Variants in CDH2 observed in about 807,000 individuals in gnomAD.
The protein encoded by CDH2 is cadherin 2.
Under a neutral mutation model 92.0 loss-of-function variants are expected in CDH2, and 17 were observed. That is an observed-to-expected ratio of 0.18 (90% confidence interval 0.13 to 0.28). The LOEUF is 0.28. Ranked by LOEUF, CDH2 falls within the 10% of genes least tolerant of loss-of-function variation. CDH2 has a pLI of 1.00. For synonymous variants in CDH2, 419 were observed against 415.9 expected (o/e 1.01, Z -0.09); for missense variants, 862 against 1,133.1 (o/e 0.76, Z 3.44).
rs199523630 is a variant in CDH2, at chr18:28,154,188, T to C, written c.61-6404A>G. On this transcript the variant is annotated intron_variant, in intron 1 of 15. Coordinates refer to ENST00000269141, the MANE Select transcript of CDH2 (RefSeq NM_001792.5). ...GAAACCATGATTTTTCTGTTCTTAA[T>C]CCCATGCTCTCTTTATTCTGAAAAC... is the stretch of plus-strand genomic sequence containing the variant. 3.3e-5 allele frequency among the ~76,000 whole-genome samples: 5 copies of C among 152,358 alleles called. No homozygotes were observed. The East Asian group carries it at 9.7e-4, about 29-fold the overall frequency.
At chr18:28,095,734 C>T (rs561341691) in intron 2 of CDH2, among the ~76,000 whole-genome samples, 68 of 139,312 alleles carry the variant, frequency 4.9e-4, no homozygotes, top group African/African-American at 1.7e-3. Flanking sequence ...CACTTGAACA[C>T]ATTAGGTGGA....
intron 6 of CDH2, among the ~76,000 whole-genome samples, chr18:27,940,914 A>G (rs1393364483): frequency 2.0e-5 from 3 of 152,112 alleles, no homozygotes; most frequent in African/African-American, 7.2e-5. Context: ...GAATAGCTCC[A>G]TCTCTGACCT....
intron 2 of CDH2, among the ~76,000 whole-genome samples, chr18:28,083,719 A>T (rs2014874062): frequency 6.6e-6 from 1 of 152,176 alleles, no homozygotes; most frequent in Admixed American, 6.5e-5. Flanking sequence ...ATGGATTTTA[A>T]GGTCGATTGA....
intron 2 of CDH2, among the ~76,000 whole-genome samples, chr18:28,048,858 G>A (rs1351389477): frequency 6.6e-6 from 1 of 151,990 alleles, no homozygotes; most frequent in Non-Finnish European, 1.5e-5. Context: ...TTTCATCAAT[G>A]GCAGCTGAAA....
rs201863564 is a variant in CDH2 at position 28,009,848 on chromosome 18, G to T, written c.571C>A (p.Leu191Ile). The T allele has an allele frequency of 6.2e-6, 10 of 1,612,502 alleles. No homozygotes were observed. The highest frequency in any genetic ancestry group is 8.5e-6 in the Non-Finnish European group (10 of 1,179,298). The stretch of plus-strand genomic sequence containing the variant: ...CCAGTTACACTGTACCGCAGTGAAA[G>T]GTTTTTATCTCTATCAGACCTGATC... ...VRIRSDRDKN[L>I]SLRYSVTGPG... The change falls in exon 5 of 16, where the codon CTT becomes ATT. Residue 191 changes from leucine (L) to isoleucine (I), a missense_variant. Physicochemically the swap from Leu to Ile is conservative, Grantham distance 5. This residue lies in a region of CDH2 where 21 missense variants were observed against 61.8 expected (regional missense o/e 0.34). Transcript: ENST00000269141.
rs111356536 is a variant in CDH2, at chr18:28,129,389, G to A, written c.172+18284C>T. On this transcript the variant is annotated intron_variant, in intron 2 of 15. Transcript: ENST00000269141. ...TTGTGCTGTCAAAAAATATTTGAAA[G>A]GAGTTTGCATTGATATATTAGGTAA... 4.5e-3 allele frequency among the ~76,000 whole-genome samples: 680 copies of A among 152,254 alleles called. 17 individuals are homozygous for A. Among genetic ancestry groups the A allele is most frequent in the African/African-American group, 0.016 (653 of 41,540 alleles).
intron 2 of CDH2, among the ~76,000 whole-genome samples, chr18:28,133,387 T>C (rs917969945): frequency 2.6e-5 from 4 of 151,446 alleles, no homozygotes; most frequent in African/African-American, 9.7e-5. Flanking sequence ...ATCGAGACCA[T>C]CCTGGCTAAC....
At chr18:28,090,192 CT>C (rs1173183209) in intron 2 of CDH2, among the ~76,000 whole-genome samples, 1 of 152,116 alleles carries the variant, frequency 6.6e-6, no homozygotes, top group Admixed American at 6.5e-5. Context: ...AGTAATTGTT[CT>C]TTTTTGCATC....
In CDH2 at chr18:27,963,478, G is replaced by C; in HGVS notation, c.2393C>G (p.Pro798Arg). 2 of 1,614,006 alleles carry C rather than the reference G, an allele frequency of 1.2e-6. No homozygotes were observed. The highest frequency in any genetic ancestry group is 1.7e-6 in the Non-Finnish European group (2 of 1,179,964). ...GATTCCCACAGGCTTGATGGCATCA[G>C]GCTCCACAGTGTCAGGCTGCTGCAG... Reference protein sequence around the residue: ...SQLQQPDTVEPDAIKPVGIRR... With the variant: ...SQLQQPDTVERDAIKPVGIRR... Residue 798 changes from proline to arginine, a missense_variant, in exon 15 of 16, where the codon CCT becomes CGT. Transcript: ENST00000269141.
intron 2 of CDH2, among the ~76,000 whole-genome samples, chr18:28,050,170 G>T (rs559781166): frequency 8.9e-4 from 135 of 152,270 alleles, no homozygotes; most frequent in Non-Finnish European, 1.5e-3. Context: ...GAGTTCCGAG[G>T]TGGTTTGTTA....
intron 7 of CDH2, among the ~76,000 whole-genome samples, chr18:28,002,061 G>C (rs1313855064): frequency 6.6e-6 from 1 of 152,148 alleles, no homozygotes; most frequent in Non-Finnish European, 1.5e-5. Context: ...GATTACATGT[G>C]GTCAAAATAA....
chr18:28,047,954 T>A (rs895140777), intron 2 of CDH2, among the ~76,000 whole-genome samples: 1 of 152,062 alleles, frequency 6.6e-6, no homozygotes, highest in African/African-American at 2.4e-5. Context: ...TGTTTTAATA[T>A]TTAATGCTAA....
chr18:28,080,409 C>T (rs2014806335), intron 2 of CDH2, among the ~76,000 whole-genome samples: 1 of 152,044 alleles, frequency 6.6e-6, no homozygotes, highest in East Asian at 1.9e-4. Context: ...TTTACAGTTC[C>T]AATGGGTTTC....
At chr18:28,033,234 C>T (rs1276243911) in intron 2 of CDH2, among the ~76,000 whole-genome samples, 1 of 152,026 alleles carries the variant, frequency 6.6e-6, no homozygotes, top group East Asian at 1.9e-4. Flanking sequence ...GCAGTTCTTC[C>T]CTCAATGCCT....
intron 13 of CDH2, among the ~76,000 whole-genome samples, chr18:27,983,976 T>C (rs750143374): frequency 1.3e-5 from 2 of 152,216 alleles, no homozygotes; most frequent in Non-Finnish European, 2.9e-5. Flanking sequence ...ATTTTTATTA[T>C]TGGCCATAAA....
chr18:27,973,719 A>G (rs2011733465), intron 14 of CDH2, among the ~76,000 whole-genome samples: 1 of 152,170 alleles, frequency 6.6e-6, no homozygotes, highest in Non-Finnish European at 1.5e-5. Context: ...TTTTCTTTCT[A>G]GACACACTGA....
chr18:28,115,352 C>T (rs1173247585), intron 2 of CDH2, among the ~76,000 whole-genome samples: 1 of 152,164 alleles, frequency 6.6e-6, no homozygotes, highest in Non-Finnish European at 1.5e-5. Context: ...TCTCCAGACC[C>T]TCCAAACTGG....
chr18:28,059,521 A>G (rs532811856), intron 2 of CDH2, among the ~76,000 whole-genome samples: 1 of 152,368 alleles, frequency 6.6e-6, no homozygotes, highest in East Asian at 1.9e-4. Context: ...ACTAATTCAA[A>G]TAAGATTATA....
intron 1 of CDH2, among the ~76,000 whole-genome samples, chr18:28,157,560 GA>G (rs1036550963): frequency 2.0e-5 from 3 of 152,132 alleles, no homozygotes; most frequent in Non-Finnish European, 2.9e-5. Flanking sequence ...AGGCCTTGGG[GA>G]TTACCCTTAA....
Sources: gnomAD v4.1 joint callset for allele counts (sites outside exome capture counted in the v4.1 genomes callset) on GRCh38, gnomAD v4.1.1 for gene constraint, gnomAD v4.1.1 regional missense constraint, MANE v1.5 for transcripts, NCBI Gene and HGNC (gene_info 2026-07-23, HGNC 2026-07-21) for gene names.